Variants in MYO3B observed in about 807,000 individuals in gnomAD.
The protein encoded by MYO3B is myosin-IIIb.
In MYO3B, 156 loss-of-function variants were observed where a neutral mutation model predicts 174.6. The observed-to-expected ratio is 0.89, with a 90% confidence interval of 0.78 to 1.02. The LOEUF (loss-of-function observed/expected upper bound fraction) is 1.02. Among genes scored for constraint, MYO3B ranks in the 50% least tolerant of loss-of-function variants. MYO3B has a pLI of 0.00. For missense variants in MYO3B, 1,632 were observed against 1,639.4 expected, an observed-to-expected ratio of 1.00 and a Z score of 0.08; for synonymous variants, 563 against 569.1, an observed-to-expected ratio of 0.99 and a Z score of 0.15.
chr2:170,412,762 A>G (rs532134276), intron 22 of MYO3B, among the ~76,000 whole-genome samples: 1 of 152,280 alleles, frequency 6.6e-6, no homozygotes, highest in South Asian at 2.1e-4. Flanking sequence ...AGTTTAGCAA[A>G]AGGGTCTAGC....
intron 10 of MYO3B, 105 bp from the exon 11 acceptor site, chr2:170,382,968 G>T: frequency 1.4e-6 from 1 of 738,062 alleles, no homozygotes; most frequent in East Asian, 2.5e-5. Flanking sequence ...TACTTTCATC[G>T]TTTAGAGAAA....
At chr2:170,543,641 G>A (rs545439719) in intron 31 of MYO3B, among the ~76,000 whole-genome samples, 7 of 152,256 alleles carry the variant, frequency 4.6e-5, no homozygotes, top group Non-Finnish European at 1.0e-4. Flanking sequence ...TTAACAGGAA[G>A]CTAGGTTGAC....
intron 25 of MYO3B, among the ~76,000 whole-genome samples, chr2:170,492,364 A>G (rs1486884321): frequency 6.6e-6 from 1 of 152,152 alleles, no homozygotes; most frequent in African/African-American, 2.4e-5. Context: ...CTTTATCTTT[A>G]GCTCTCTCCT....
chr2:170,580,451 A>G (rs1240928785), intron 32 of MYO3B, among the ~76,000 whole-genome samples: 2 of 152,222 alleles, frequency 1.3e-5, no homozygotes, highest in Non-Finnish European at 2.9e-5. Flanking sequence ...CAGCCTGGCC[A>G]ACATGGCAAA....
At chr2:170,523,351 T>A (rs1265458557) in intron 30 of MYO3B, among the ~76,000 whole-genome samples, 1 of 152,064 alleles carries the variant, frequency 6.6e-6, no homozygotes, top group Non-Finnish European at 1.5e-5. Context: ...TGGGCCAGGG[T>A]ATCCCTGATC....
chr2:170,645,782 G>A (rs1261881132), intron 32 of MYO3B, among the ~76,000 whole-genome samples: 1 of 152,158 alleles, frequency 6.6e-6, no homozygotes, highest in African/African-American at 2.4e-5. Context: ...GCATGTACAA[G>A]CATAGATTTA....
chr2:170,384,267 G>T (rs557487210), intron 12 of MYO3B, among the ~76,000 whole-genome samples: 7 of 152,086 alleles, frequency 4.6e-5, no homozygotes, highest in Non-Finnish European at 7.3e-5. Flanking sequence ...ACACCATTTA[G>T]CTGCTGAAAA....
At chr2:170,507,262 C>T (rs553739487) in intron 28 of MYO3B, among the ~76,000 whole-genome samples, 1 of 152,188 alleles carries the variant, frequency 6.6e-6, no homozygotes, top group East Asian at 1.9e-4. Flanking sequence ...CCTACCCCCC[C>T]ATCTTCTAAA....
rs566573486 is a variant in MYO3B, at chr2:170,551,536, T to C, written c.3733+7548T>C. ...CCATAATGTTTGTTCCCTGACTTTT[T>C]GCAAAAAAAAAAAAAAAAAAAAAAA... On this transcript the variant is annotated intron_variant, in intron 32 of 34. Transcript: ENST00000408978. 1.4e-3 allele frequency among the ~76,000 whole-genome samples: 109 copies of C among 77,854 alleles called. 1 individual carries two copies. The highest frequency in any genetic ancestry group is 5.6e-3 in the African/African-American group (101 of 17,892). The allele number at this position is 77,854 out of a possible 152,430, so 51.1% of individuals were successfully genotyped here.
chr2:170,526,621 A>T (rs994753144), intron 30 of MYO3B, among the ~76,000 whole-genome samples: 1 of 152,224 alleles, frequency 6.6e-6, no homozygotes, highest in African/African-American at 2.4e-5. Flanking sequence ...TCATACCCTC[A>T]AATAATAACA....
chr2:170,453,213 G>C (rs1035136080), intron 23 of MYO3B, among the ~76,000 whole-genome samples: 3 of 152,142 alleles, frequency 2.0e-5, no homozygotes, highest in Non-Finnish European at 4.4e-5. Context: ...AGCCTGCCAG[G>C]CTGGCTTGAA....
chr2:170,351,100 A>G (rs2094064072), intron 8 of MYO3B: 1 of 152,124 alleles, frequency 6.6e-6, no homozygotes, highest in Non-Finnish European at 1.5e-5. Flanking sequence ...AGTTAGTTAT[A>G]TTCAGAATGT....
chr2:170,453,409 TACACACACACAC>T (rs35558091), intron 23 of MYO3B, among the ~76,000 whole-genome samples: 36 of 131,284 alleles, frequency 2.7e-4, no homozygotes, highest in South Asian at 8.1e-4. Flanking sequence ...GTTTACCATT[TACACACACACAC>T]ACACACACAC....
chr2:170,217,588 T>C (rs1489177741), intron 6 of MYO3B, among the ~76,000 whole-genome samples, 193 bp downstream of exon 6: 1 of 152,196 alleles, frequency 6.6e-6, no homozygotes, highest in South Asian at 2.1e-4. Flanking sequence ...GATTAAGTTA[T>C]AGCTATCCCA....
At chr2:170,347,550 C>T (rs1324474491) in intron 8 of MYO3B, among the ~76,000 whole-genome samples, 1 of 152,030 alleles carries the variant, frequency 6.6e-6, no homozygotes, top group Non-Finnish European at 1.5e-5. Flanking sequence ...TCCAGTGAGC[C>T]AAGATCCACC....
chr2:170,463,291 T>C, intron 23 of MYO3B, 77 bp from the exon 24 acceptor site: 1 of 1,326,900 alleles, frequency 7.5e-7, no homozygotes, highest in Non-Finnish European at 1.1e-6. Context: ...CCAAACAGGC[T>C]TTCGGATTTT....
chr2:170,444,162 T>G, intron 23 of MYO3B, 116 bp downstream of exon 23: 1 of 763,280 alleles, frequency 1.3e-6, no homozygotes, highest in Non-Finnish European at 2.1e-6. Flanking sequence ...CTGGGCAGTC[T>G]AGTAGAGAGA....
chr2:170,336,855 C>A (rs1197171260), intron 8 of MYO3B, among the ~76,000 whole-genome samples: 1 of 151,980 alleles, frequency 6.6e-6, no homozygotes, highest in Non-Finnish European at 1.5e-5. Context: ...AGTTCAGGGT[C>A]CCTGAATTTG....
chr2:170,462,642 G>A (rs1427817989), intron 23 of MYO3B, among the ~76,000 whole-genome samples: 1 of 152,262 alleles, frequency 6.6e-6, no homozygotes, highest in Non-Finnish European at 1.5e-5. Flanking sequence ...GAGCAGATGG[G>A]AAGCTGCCAC....
Sources: gnomAD v4.1 joint callset for allele counts (sites outside exome capture counted in the v4.1 genomes callset) on GRCh38, gnomAD v4.1.1 for gene constraint, MANE v1.5 for transcripts, NCBI Gene and HGNC (gene_info 2026-07-23, HGNC 2026-07-21) for gene names.